CSMD1: variants seen among roughly 807,000 people sequenced by gnomAD.
The protein encoded by CSMD1 is CUB and Sushi multiple domains 1.
A neutral mutation model predicts 417.5 loss-of-function variants in CSMD1; 213 were observed. The observed-to-expected ratio is 0.51, with a 90% CI of 0.46 to 0.57. CSMD1 has a LOEUF of 0.57. CSMD1 is among the 20% of genes least tolerant of loss of function. CSMD1 has a pLI of 0.00. For synonymous variants in CSMD1, 2,862 were observed against 1,736.8 expected (o/e 1.65, Z -16.11); for missense variants, 6,923 against 4,529.7 (o/e 1.53, Z -15.17).
At chr8:3,173,444 T>G (rs184062023) in intron 37 of CSMD1, among the ~76,000 whole-genome samples, 2 of 152,184 alleles carry the variant, frequency 1.3e-5, no homozygotes, top group Non-Finnish European at 2.9e-5. Flanking sequence ...ATGAAAGCAA[T>G]TTTAATAGGA....
intron 3 of CSMD1, among the ~76,000 whole-genome samples, chr8:4,094,989 C>A (rs544640047): frequency 1.3e-5 from 2 of 152,260 alleles, no homozygotes; most frequent in South Asian, 4.1e-4. Context: ...TAGTATTATA[C>A]AGGTGGACTA....
At chr8:3,998,367 A>T (rs558838718) in intron 4 of CSMD1, among the ~76,000 whole-genome samples, 1 of 152,298 alleles carries the variant, frequency 6.6e-6, no homozygotes, top group East Asian at 1.9e-4. Flanking sequence ...TGAAACATGG[A>T]AAGTGTAGTT....
At chr8:4,019,025 C>T (rs921217534) in intron 4 of CSMD1, among the ~76,000 whole-genome samples, 1 of 152,208 alleles carries the variant, frequency 6.6e-6, no homozygotes, top group Non-Finnish European at 1.5e-5. Context: ...ATTACAGTGA[C>T]TAAGATGAAA....
At chr8:4,865,300 G>C (rs1007842227) in intron 1 of CSMD1, among the ~76,000 whole-genome samples, 2 of 151,626 alleles carry the variant, frequency 1.3e-5, no homozygotes, top group Admixed American at 6.6e-5. Context: ...CTTCTGTTTT[G>C]AATAAAGAGA....
chr8:4,201,326 CAGG>C (rs948638954), intron 3 of CSMD1, among the ~76,000 whole-genome samples: 2 of 152,008 alleles, frequency 1.3e-5, no homozygotes, highest in African/African-American at 4.8e-5. Flanking sequence ...ATCACGAGGT[CAGG>C]AGATCGAGAC....
In CSMD1 at chr8:4,606,250, A is replaced by C. The variant is rs139871671; in HGVS notation, c.302+31092T>G. Among the ~76,000 whole-genome samples the C allele has an allele frequency of 4.4e-3, 673 of 152,310 alleles. 7 individuals carry two copies. Among genetic ancestry groups the C allele is most frequent in the African/African-American group, 0.016 (654 of 41,570 alleles). On this transcript the variant is annotated intron_variant, in intron 2 of 69. Transcript: ENST00000635120. The stretch of plus-strand genomic sequence containing the variant: ...AAGGAGAAAATATGCTTCAGTTAGA[A>C]ATAAAACCTAATAAATTAACCTAAG...
At chr8:3,560,942 T>A (rs547698844) in intron 10 of CSMD1, among the ~76,000 whole-genome samples, 5 of 152,222 alleles carry the variant, frequency 3.3e-5, no homozygotes, top group African/African-American at 1.2e-4. Context: ...GTATTTAGAA[T>A]CCAGATTCAC....
chr8:3,434,172 T>A (rs559844642), intron 12 of CSMD1, among the ~76,000 whole-genome samples: 1 of 152,354 alleles, frequency 6.6e-6, no homozygotes, highest in Admixed American at 6.5e-5. Flanking sequence ...AAGGCCATCA[T>A]AGTAAATATT....
At chr8:3,899,502 C>A (rs184967278) in intron 5 of CSMD1, among the ~76,000 whole-genome samples, 1 of 151,994 alleles carries the variant, frequency 6.6e-6, no homozygotes, top group South Asian at 2.1e-4. Context: ...CTGGAAGGAC[C>A]CTCATTTTGG....
chr8:4,882,608 T>C (rs1218086928), intron 1 of CSMD1, among the ~76,000 whole-genome samples: 3 of 151,864 alleles, frequency 2.0e-5, no homozygotes, highest in East Asian at 3.9e-4. Context: ...AAAGATGCAA[T>C]GAGGTATTCA....
intron 5 of CSMD1, among the ~76,000 whole-genome samples, chr8:3,881,915 A>C (rs1806232825): frequency 1.3e-5 from 2 of 152,186 alleles, no homozygotes; most frequent in South Asian, 4.1e-4. Context: ...AGAAAAAGTT[A>C]CCTGGATTCT....
In CSMD1 at chr8:4,032,073, G is replaced by C; in HGVS notation, c.442C>G (p.Pro148Ala). ...AGAACTCCTTTCAGGATTTCTCCAG[G>C]ATTTCCACAAGTGTGGCTAGGTAAA... ...EVLPSHTCGNPGEILKGVLHG... is the reference protein window; with the variant it reads ...EVLPSHTCGNAGEILKGVLHG... The change falls in exon 4 of 70, where the codon CCT (proline) becomes GCT (alanine). Residue 148 changes from proline (P) to alanine (A), a missense_variant. By Grantham distance (27) the Pro-to-Ala change is conservative. Coordinates refer to ENST00000635120, the MANE Select transcript of CSMD1 (RefSeq NM_033225.6). The C allele has an allele frequency of 3.1e-6, 5 of 1,613,050 alleles. No homozygotes were observed. The highest frequency in any genetic ancestry group is 4.2e-6 in the Non-Finnish European group (5 of 1,179,344).
Position 3,367,161 on chromosome 8 carries a change from C to A in CSMD1, c.2986G>T (p.Val996Phe), listed in dbSNP as rs376173422. 7 of 1,613,598 alleles carry A rather than the reference C, an allele frequency of 4.3e-6. No homozygotes were observed. Among genetic ancestry groups the A allele is most frequent in the Admixed American group, 3.3e-5 (2 of 59,974 alleles). Residue 996 changes from valine to phenylalanine, a missense_variant, in exon 20 of 70, where the codon GTT becomes TTT. Coordinates refer to ENST00000635120, the MANE Select transcript of CSMD1 (RefSeq NM_033225.6). ...AACACCGACCCGGTGAGCCTGGCAA[C>A]GGGCTCGGAAAAACTTCCATCCTCT... is the stretch of plus-strand genomic sequence containing the variant. ...ITEDGSFSEP[V>F]ARLTGSVLPH...
chr8:4,714,282 C>A (rs932381266), intron 1 of CSMD1, among the ~76,000 whole-genome samples: 1 of 152,304 alleles, frequency 6.6e-6, no homozygotes, highest in East Asian at 1.9e-4. Flanking sequence ...CAAACAGATG[C>A]CATCTTTTTT....
chr8:3,979,379 A>C (rs1253259145), intron 5 of CSMD1, among the ~76,000 whole-genome samples: 1 of 152,180 alleles, frequency 6.6e-6, no homozygotes, highest in Admixed American at 6.5e-5. Flanking sequence ...GGACAGCTGG[A>C]GGAGACATCA....
chr8:3,773,673 T>C (rs189435672), intron 5 of CSMD1, among the ~76,000 whole-genome samples: 326 of 152,298 alleles, frequency 2.1e-3, no homozygotes, highest in Non-Finnish European at 3.9e-3. Flanking sequence ...CTCTATTTGC[T>C]GACTTACAGC....
intron 12 of CSMD1, among the ~76,000 whole-genome samples, chr8:3,465,936 G>C (rs1209714354): frequency 6.6e-6 from 1 of 152,148 alleles, no homozygotes; most frequent in Non-Finnish European, 1.5e-5. Context: ...CTCAGAGGAA[G>C]TTAACTGGCT....
At chr8:3,208,243 G>A (rs1797414598) in intron 30 of CSMD1, among the ~76,000 whole-genome samples, 1 of 152,116 alleles carries the variant, frequency 6.6e-6, no homozygotes, top group South Asian at 2.1e-4. Context: ...CCAAAATTTT[G>A]ATTCCCAAAT....
chr8:3,558,415 C>T (rs112996516), intron 10 of CSMD1, among the ~76,000 whole-genome samples: 8,163 of 134,064 alleles, frequency 0.061, 738 homozygotes, highest in African/African-American at 0.16. Context: ...ATGAACGGTG[C>T]CTCAATGGTA....
Sources: allele counts gnomAD v4.1 joint callset (sites outside exome capture counted in the v4.1 genomes callset), GRCh38; gene constraint gnomAD v4.1.1; transcripts MANE v1.5; gene names NCBI Gene and HGNC (gene_info 2026-07-23, HGNC 2026-07-21).